Variants in GRM1 observed in about 807,000 individuals in gnomAD.
GRM1 encodes metabotropic glutamate receptor 1.
A neutral mutation model predicts 90.9 loss-of-function variants in GRM1; 33 were observed. The ratio of observed to expected loss-of-function variants is 0.36; its 90% confidence interval spans 0.28 to 0.49. The LOEUF is 0.49. Ranked by LOEUF, GRM1 falls within the 20% of genes least tolerant of loss-of-function variation. The probability of loss-of-function intolerance (pLI) is 0.99; values close to 1 mark genes in which losing one functional copy is unlikely to be tolerated. For synonymous variants in GRM1, 700 were observed against 613.2 expected (o/e 1.14, Z -2.09); for missense variants, 1,190 against 1,534.3 (o/e 0.78, Z 3.75).
intron 1 of GRM1, among the ~76,000 whole-genome samples, chr6:146,109,695 C>T (rs1775475925): frequency 6.6e-6 from 1 of 152,168 alleles, no homozygotes. Context: ...TTGCACCATG[C>T]ACCTGGAAAA....
rs1195779695 is a variant in GRM1 at position 146,397,473 on chromosome 6, C to CA, written c.1730-1286dup. Among the ~76,000 whole-genome samples the CA allele has an allele frequency of 7.8e-3, 127 of 16,346 alleles. 1 individual carries two copies. Among genetic ancestry groups the CA allele is most frequent in the South Asian group, 0.01 (6 of 596 alleles). 10.7% of individuals were successfully genotyped at this position (16,346 alleles called of 152,430 possible). On this transcript the variant is annotated intron_variant, in intron 6 of 7. Transcript: ENST00000282753. Reference sequence around the variant, plus strand: ...TGGGCAACAGAGTGAGACCCCGTCTCAAAAAAAAAAGAAAAAAAAAAAAAA... The same window carrying CA: ...TGGGCAACAGAGTGAGACCCCGTCTCAAAAAAAAAAAGAAAAAAAAAAAAAA...
intron 2 of GRM1, among the ~76,000 whole-genome samples, chr6:146,296,735 G>A (rs1783191084): frequency 2.6e-5 from 4 of 152,198 alleles, no homozygotes; most frequent in South Asian, 2.1e-4. Context: ...TATAGGCTGT[G>A]TAAATTCAGA....
At chr6:146,388,846 A>C (rs1303335898) in intron 6 of GRM1, among the ~76,000 whole-genome samples, 1 of 152,104 alleles carries the variant, frequency 6.6e-6, no homozygotes, top group Non-Finnish European at 1.5e-5. Context: ...CATGTTTGTT[A>C]AATTGAGGGA....
intron 1 of GRM1, among the ~76,000 whole-genome samples, chr6:146,063,241 G>A (rs561333239): frequency 1.3e-5 from 2 of 152,332 alleles, no homozygotes; most frequent in Non-Finnish European, 2.9e-5. Context: ...CTTCCTGGCT[G>A]TGAATGAACT....
chr6:146,385,158 C>T (rs1013225945), intron 5 of GRM1, among the ~76,000 whole-genome samples: 2 of 151,884 alleles, frequency 1.3e-5, no homozygotes, highest in Non-Finnish European at 1.5e-5. Context: ...TCAACAAATC[C>T]TAAGCAGGAT....
intron 7 of GRM1, among the ~76,000 whole-genome samples, chr6:146,407,122 G>A (rs540453971): frequency 1.3e-5 from 2 of 152,300 alleles, no homozygotes; most frequent in East Asian, 3.9e-4. Context: ...TTCACATGAA[G>A]GCCCTTAGAA....
At chr6:146,257,477 G>T (rs969195212) in intron 2 of GRM1, among the ~76,000 whole-genome samples, 1 of 151,830 alleles carries the variant, frequency 6.6e-6, no homozygotes, top group Non-Finnish European at 1.5e-5. Flanking sequence ...CTACCTATAT[G>T]TGTGTGCGTA....
chr6:146,219,162 T>C (rs1779972355), intron 2 of GRM1, among the ~76,000 whole-genome samples: 1 of 152,230 alleles, frequency 6.6e-6, no homozygotes, highest in Non-Finnish European at 1.5e-5. Context: ...GAAATAGCAT[T>C]TAAATCAAGA....
chr6:146,272,168 A>G (rs1782188285), intron 2 of GRM1, among the ~76,000 whole-genome samples: 1 of 152,226 alleles, frequency 6.6e-6, no homozygotes, highest in African/African-American at 2.4e-5. Flanking sequence ...ATTAGAAAAG[A>G]TTTAAGAAAG....
At chr6:146,413,536 G>A (rs2206954) in intron 7 of GRM1, among the ~76,000 whole-genome samples, 1 of 151,966 alleles carries the variant, frequency 6.6e-6, no homozygotes, top group Non-Finnish European at 1.5e-5. Flanking sequence ...CACATTTTCT[G>A]TAATCCTTTT....
At chr6:146,413,462 T>G (rs1777643150) in intron 7 of GRM1, among the ~76,000 whole-genome samples, 1 of 152,144 alleles carries the variant, frequency 6.6e-6, no homozygotes, top group African/African-American at 2.4e-5. Context: ...CTTCAGCATT[T>G]CTTTCCTTGC....
At chr6:146,085,892 A>T (rs1406785711) in intron 1 of GRM1, among the ~76,000 whole-genome samples, 1 of 152,108 alleles carries the variant, frequency 6.6e-6, no homozygotes, top group African/African-American at 2.4e-5. Flanking sequence ...GTTGAGAATT[A>T]TACTCTGATA....
At chr6:146,324,575 T>C (rs1784334288) in intron 3 of GRM1, among the ~76,000 whole-genome samples, 1 of 152,218 alleles carries the variant, frequency 6.6e-6, no homozygotes, top group African/African-American at 2.4e-5. Context: ...GGGAATCTCC[T>C]CATCTGTGGG....
At chr6:146,254,917 T>C (rs1781429678) in intron 2 of GRM1, among the ~76,000 whole-genome samples, 1 of 152,218 alleles carries the variant, frequency 6.6e-6, no homozygotes, top group African/African-American at 2.4e-5. Flanking sequence ...TCTCATTTTA[T>C]TGGCTGATGG....
At chr6:146,319,212 A>G (rs1044332550) in intron 3 of GRM1, among the ~76,000 whole-genome samples, 1 of 151,738 alleles carries the variant, frequency 6.6e-6, no homozygotes, top group Non-Finnish European at 1.5e-5. Context: ...AACACAATTT[A>G]TTAAATGGGG....
chr6:146,095,979 C>G (rs1776861167), intron 1 of GRM1, among the ~76,000 whole-genome samples: 1 of 152,088 alleles, frequency 6.6e-6, no homozygotes. Flanking sequence ...TCTCCTCTTT[C>G]CTGACAATAT....
chr6:146,368,259 T>C (rs1219898995), intron 5 of GRM1, among the ~76,000 whole-genome samples: 2 of 125,460 alleles, frequency 1.6e-5, no homozygotes, highest in Non-Finnish European at 3.3e-5. Context: ...CAGTTTTTTT[T>C]TGGGGGGGGG....
chr6:146,180,646 CT>C (rs967655295), intron 2 of GRM1, among the ~76,000 whole-genome samples: 2 of 150,906 alleles, frequency 1.3e-5, no homozygotes, highest in Non-Finnish European at 3.0e-5. Context: ...TTTCTTTTTT[CT>C]TTTTTTTTCT....
At position 146,357,532 on chromosome 6, in the gene GRM1, T is replaced by G; in HGVS notation, c.1440T>G (p.Asp480Glu). Reference protein sequence around the residue: ...DEKGDAPGRYDIMNLQYTEAN... With the variant: ...DEKGDAPGRYEIMNLQYTEAN... ...CACATTGTGCTCTTTGTAGGTATGATATCATGAATCTGCAGTACACTGAAG... is the reference window on the plus strand; with the variant it reads ...CACATTGTGCTCTTTGTAGGTATGAGATCATGAATCTGCAGTACACTGAAG... The change falls in exon 5 of 8, where the codon GAT becomes GAG. Residue 480 changes from aspartate (D) to glutamate (E), a missense_variant. Around this residue, in one of 10 missense-constraint regions of GRM1, gnomAD observed 414 missense variants for 598.4 expected, o/e 0.69. Transcript: ENST00000282753. The G allele has an allele frequency of 6.2e-7, 1 of 1,612,194 alleles. No homozygotes were observed. The highest frequency in any genetic ancestry group is 8.5e-7 in the Non-Finnish European group (1 of 1,178,184).
Sources: allele counts gnomAD v4.1 joint callset (sites outside exome capture counted in the v4.1 genomes callset), GRCh38; gene constraint gnomAD v4.1.1; regional missense constraint gnomAD v4.1.1; transcripts MANE v1.5; gene names NCBI Gene and HGNC (gene_info 2026-07-23, HGNC 2026-07-21).